Variants in JAKMIP1 observed in about 807,000 individuals in gnomAD.
JAKMIP1 encodes the protein janus kinase and microtubule-interacting protein 1.
In JAKMIP1, 33 loss-of-function variants were observed where a neutral mutation model predicts 113.0. That is an observed-to-expected ratio of 0.29 (90% CI 0.22 to 0.39). The LOEUF (loss-of-function observed/expected upper bound fraction) is 0.39, where lower values mean the gene tolerates loss of function less well. Among genes scored for constraint, JAKMIP1 ranks in the 10% least tolerant of loss-of-function variants. The probability of loss-of-function intolerance (pLI) is 1.00; values close to 1 mark genes in which losing one functional copy is unlikely to be tolerated. For missense variants in JAKMIP1, 813 were observed against 1,080.5 expected, an observed-to-expected ratio of 0.75 and a Z score of 3.47; for synonymous variants, 480 against 459.9, an observed-to-expected ratio of 1.04 and a Z score of -0.56.
intron 18 of JAKMIP1, among the ~76,000 whole-genome samples, chr4:6,039,491 A>G (rs933595278): frequency 2.0e-5 from 3 of 152,178 alleles, no homozygotes; most frequent in African/African-American, 7.2e-5. Flanking sequence ...ACACTAGGGA[A>G]GAACAGGGAT....
chr4:6,086,292 C>A lies in JAKMIP1; in HGVS notation c.625-663G>T, dbSNP rs1389482240. Among the ~76,000 whole-genome samples, 1 of 152,124 alleles carries A rather than the reference C, an allele frequency of 6.6e-6. No homozygotes were observed. Among genetic ancestry groups the A allele is most frequent in the Non-Finnish European group, 1.5e-5 (1 of 68,032 alleles). ...CTCGGGCCTCTTCTCACTCTATATC[C>A]TCTCCCAGGCAGCCAGGTCCTCCCC... On this transcript the variant is annotated intron_variant, in intron 3 of 20. Transcript: ENST00000409021. This position sits in a 1 kb window ranked among gnomAD's most constrained non-coding sequence, Gnocchi z 4.1.
chr4:6,101,471 T>C (rs575528190), intron 3 of JAKMIP1, among the ~76,000 whole-genome samples: 60 of 152,308 alleles, frequency 3.9e-4, no homozygotes, highest in African/African-American at 1.3e-3. Flanking sequence ...TGTAGCTTTG[T>C]AGTAAACTTT....
intron 1 of JAKMIP1, among the ~76,000 whole-genome samples, chr4:6,190,421 G>C (rs1425720088): frequency 6.6e-6 from 1 of 151,838 alleles, no homozygotes; most frequent in Non-Finnish European, 1.5e-5. Context: ...TTCCTCTCTA[G>C]ACTTGCTCAT....
chr4:6,189,362 A>AC (rs1726985221), intron 1 of JAKMIP1, among the ~76,000 whole-genome samples: 1 of 152,224 alleles, frequency 6.6e-6, no homozygotes, highest in African/African-American at 2.4e-5. Context: ...GGGTATTCCC[A>AC]CCCCAAGCAT....
chr4:6,053,995 G>T (rs1303475134), intron 13 of JAKMIP1, 55 bp downstream of exon 13: 2 of 1,613,678 alleles, frequency 1.2e-6, no homozygotes, highest in South Asian at 2.2e-5. Flanking sequence ...TTCAGTTTGG[G>T]TTCAAAGAGA....
chr4:6,119,903 A>C (rs1442589324), intron 1 of JAKMIP1, among the ~76,000 whole-genome samples: 1 of 152,240 alleles, frequency 6.6e-6, no homozygotes, highest in Non-Finnish European at 1.5e-5. Context: ...TCCTGCCTCC[A>C]GCCCCACATG....
chr4:6,166,159 A>G (rs1723602873), intron 1 of JAKMIP1, among the ~76,000 whole-genome samples: 1 of 152,198 alleles, frequency 6.6e-6, no homozygotes, highest in Admixed American at 6.5e-5. Context: ...GTATATTCAC[A>G]GGTTCCAAGA....
At position 6,112,834 on chromosome 4, in the gene JAKMIP1, C is replaced by T. The variant is rs781757977; in HGVS notation, c.17G>A (p.Arg6Gln). 7 of 1,613,934 alleles carry T rather than the reference C, an allele frequency of 4.3e-6. No individual in the cohort carries two copies. Among genetic ancestry groups the T allele is most frequent in the Middle Eastern group, 1.6e-4 (1 of 6,062 alleles). MSKKG[R>Q]SKGEKPEMET... Reference sequence around the variant, plus strand: ...CATCTCGGGCTTCTCGCCCTTGCTCCGGCCTTTCTTCGACATGCTTCCCCT... The same window carrying T: ...CATCTCGGGCTTCTCGCCCTTGCTCTGGCCTTTCTTCGACATGCTTCCCCT... The change falls in exon 2 of 21, where the codon CGG becomes CAG. Residue 6 changes from arginine (R) to glutamine (Q), a missense_variant. Transcript: ENST00000409021.
At chr4:6,173,870 G>A (rs549719897) in intron 1 of JAKMIP1, among the ~76,000 whole-genome samples, 3 of 152,224 alleles carry the variant, frequency 2.0e-5, no homozygotes, top group Non-Finnish European at 4.4e-5. Flanking sequence ...GAGGCCAAGA[G>A]TTTGAGACCA....
chr4:6,135,563 G>A lies in JAKMIP1; in HGVS notation c.-147-22566C>T, dbSNP rs1407577939. On this transcript the variant is annotated intron_variant, in intron 1 of 20. Transcript: ENST00000409021. The surrounding 1 kb of genome is among the most constrained non-coding windows in gnomAD (Gnocchi z 4.9). ...CACTCCACGGACGGGGATTTCCCAG[G>A]TCCAGCCTGGCCTAGCCTTGATAAA... Among the ~76,000 whole-genome samples the A allele has an allele frequency of 6.6e-6, 1 of 152,126 alleles. No individual in the cohort carries two copies. Among genetic ancestry groups the A allele is most frequent in the African/African-American group, 2.4e-5 (1 of 41,414 alleles).
In JAKMIP1 at chr4:6,027,073, G is replaced by GA. The variant is rs772798332; in HGVS notation, c.2446-796dup. Among the ~76,000 whole-genome samples the GA allele has an allele frequency of 4.4e-3, 646 of 148,186 alleles. 2 individuals are homozygous for GA. Among genetic ancestry groups the GA allele is most frequent in the African/African-American group, 0.015 (620 of 40,340 alleles). On this transcript the variant is annotated intron_variant, in intron 20 of 20. Coordinates refer to ENST00000409021, the MANE Select transcript of JAKMIP1 (RefSeq NM_001099433.2). ...CATTTGATTAGTCTACTTATACAGA[G>GA]AAAAAAAAAATCAGGGAAAGACGGT...
intron 13 of JAKMIP1, among the ~76,000 whole-genome samples, chr4:6,053,223 G>A (rs1715901272): frequency 6.6e-6 from 1 of 152,144 alleles, no homozygotes; most frequent in Admixed American, 6.5e-5. Context: ...ACACACCCGA[G>A]GTAAGATTTC....
At position 6,105,626 on chromosome 4, in the gene JAKMIP1, C is replaced by T. The variant is rs767630942; in HGVS notation, c.471G>A (p.Glu157=). ...CTGCCTGCTTGCGCGCTGCCTTGAGCTCCAGGATCTCCTGCTGCAGCCGCA... is the reference window on the plus strand; with the variant it reads ...CTGCCTGCTTGCGCGCTGCCTTGAGTTCCAGGATCTCCTGCTGCAGCCGCA... ...ERLRLQQEIL[E]LKAARKQAEE... The change falls in exon 3 of 21, where the codon GAG becomes GAA. Residue 157 remains glutamate, a synonymous_variant. Coordinates refer to ENST00000409021, the MANE Select transcript of JAKMIP1 (RefSeq NM_001099433.2). 3.1e-5 allele frequency: 50 copies of T among 1,594,432 alleles called. No homozygotes were observed. The East Asian group carries it at 1.1e-3, about 36-fold the overall frequency.
chr4:6,062,541 T>A, intron 9 of JAKMIP1, 101 bp from the exon 10 acceptor site: 1 of 1,257,396 alleles, frequency 8.0e-7, no homozygotes, highest in Non-Finnish European at 1.1e-6. Flanking sequence ...ACACTTGCTA[T>A]GGCTTTGAGT....
chr4:6,169,990 A>C (rs1578448703), intron 1 of JAKMIP1, among the ~76,000 whole-genome samples: 5 of 90,400 alleles, frequency 5.5e-5, no homozygotes, highest in African/African-American at 8.9e-5. Flanking sequence ...TACCACCACC[A>C]CCACCACCAC....
At chr4:6,036,586 A>C (rs1713472086) in intron 18 of JAKMIP1, among the ~76,000 whole-genome samples, 1 of 152,132 alleles carries the variant, frequency 6.6e-6, no homozygotes, top group African/African-American at 2.4e-5. Context: ...AAATAGTGGC[A>C]ATGTTTTAAT....
chr4:6,060,026 G>C (rs1201322716), intron 11 of JAKMIP1, among the ~76,000 whole-genome samples: 1 of 152,148 alleles, frequency 6.6e-6, no homozygotes, highest in African/African-American at 2.4e-5. Flanking sequence ...GCCAGAGGTG[G>C]GGCCTCTGCA....
At chr4:6,115,993 G>A (rs551467829) in intron 1 of JAKMIP1, among the ~76,000 whole-genome samples, 24 of 152,256 alleles carry the variant, frequency 1.6e-4, no homozygotes, top group South Asian at 1.2e-3. Context: ...AGCTCGATCC[G>A]ATTCCAGGGT....
rs1717759009 is a variant in JAKMIP1 at position 6,064,449 on chromosome 4, GCTTTATCTTAGT to G, written c.1431+419_1431+430del. Among the ~76,000 whole-genome samples the G allele has an allele frequency of 6.6e-6, 1 of 152,198 alleles. No individual in the cohort carries two copies. The highest frequency in any genetic ancestry group is 2.1e-4 in the South Asian group (1 of 4,826). The stretch of plus-strand genomic sequence containing the variant: ...TTCTTTATATATTTTTGGATTACAT[GCTTTATCTTAGT>G]CAAGAAAGCAATGATGCTGTTTCTG... On this transcript the variant is annotated intron_variant, in intron 9 of 20. Coordinates refer to ENST00000409021, the MANE Select transcript of JAKMIP1 (RefSeq NM_001099433.2). The surrounding 1 kb of genome is among the most constrained non-coding windows in gnomAD (Gnocchi z 4.3).
Sources: allele counts gnomAD v4.1 joint callset (sites outside exome capture counted in the v4.1 genomes callset), GRCh38; gene constraint gnomAD v4.1.1; non-coding constraint Gnocchi (gnomAD v3.1); transcripts MANE v1.5; gene names NCBI Gene and HGNC (gene_info 2026-07-23, HGNC 2026-07-21).